The following KCTD1 variants were observed in gnomAD, a reference collection of about 807,000 sequenced individuals.
KCTD1 encodes the protein potassium channel tetramerization domain containing 1.
In KCTD1, 24 loss-of-function variants were observed where a neutral mutation model predicts 66.0. The observed-to-expected ratio is 0.36, with a 90% CI of 0.26 to 0.51. The LOEUF (loss-of-function observed/expected upper bound fraction) is 0.51. Among genes scored for constraint, KCTD1 ranks in the 20% least tolerant of loss-of-function variants. The pLI, the probability that KCTD1 is intolerant of heterozygous loss-of-function variation, is 0.95. For missense variants in KCTD1, 943 were observed against 1,205.2 expected (o/e 0.78, Z 3.22); for synonymous variants, 511 against 517.2 (o/e 0.99, Z 0.16).
intron 1 of KCTD1, chr18:26,566,978 G>C: frequency 6.6e-6 from 1 of 152,132 alleles, no homozygotes; most frequent in East Asian, 1.9e-4. Flanking sequence ...GCCACAAAAG[G>C]CTGTTCCCTG....
chr18:26,510,773 A>G (rs1983291861), intron 1 of KCTD1, among the ~76,000 whole-genome samples: 1 of 152,242 alleles, frequency 6.6e-6, no homozygotes, highest in African/African-American at 2.4e-5. Flanking sequence ...CACTTAAAAC[A>G]CTAGAGAATA....
At chr18:26,587,831 C>A (rs1486085978) in intron 1 of KCTD1, among the ~76,000 whole-genome samples, 3 of 152,150 alleles carry the variant, frequency 2.0e-5, no homozygotes, top group Non-Finnish European at 4.4e-5. Flanking sequence ...TTCCTGCAAG[C>A]TCATGAGAAA....
At chr18:26,612,095 T>C (rs1351017492) in intron 1 of KCTD1, among the ~76,000 whole-genome samples, 1 of 152,200 alleles carries the variant, frequency 6.6e-6, no homozygotes, top group Non-Finnish European at 1.5e-5. Flanking sequence ...TTCTGTTGAA[T>C]AATCTTTCCC....
chr18:26,525,927 C>T (rs771003175), intron 1 of KCTD1, among the ~76,000 whole-genome samples: 2 of 152,126 alleles, frequency 1.3e-5, no homozygotes, highest in Non-Finnish European at 2.9e-5. Context: ...CTGTCCATCT[C>T]ATTCCCCCTA....
intron 1 of KCTD1, among the ~76,000 whole-genome samples, chr18:26,656,301 TC>T (rs1243096445): frequency 6.6e-6 from 1 of 151,546 alleles, no homozygotes; most frequent in African/African-American, 2.4e-5. Context: ...CTCGCATCCT[TC>T]CCCCGTCCCA....
rs377664171 is a variant in KCTD1 at position 26,459,645 on chromosome 18, C to G, written c.2414G>C (p.Gly805Ala). The G allele has an allele frequency of 1.7e-5, 28 of 1,601,954 alleles. No homozygotes were observed. The highest frequency in any genetic ancestry group is 2.2e-5 in the Non-Finnish European group (26 of 1,171,992). Residue 805 changes from glycine to alanine, a missense_variant, in exon 4 of 5, where the codon GGC becomes GCC. Gly to Ala is a moderately conservative substitution (Grantham distance 60, BLOSUM62 0). This residue lies in a region of KCTD1 where 162 missense variants were observed against 232.4 expected (regional missense o/e 0.70). Transcript: ENST00000580059. ...CTGGACTGAGTTGAGGTGACAGTAG[C>G]CATTTAGTGGAAACCTGATGACGTG... Reference protein sequence around the residue: ...STHVIRFPLNGYCHLNSVQVL... With the variant: ...STHVIRFPLNAYCHLNSVQVL...
At chr18:26,585,216 C>G (rs1230207251) in intron 1 of KCTD1, among the ~76,000 whole-genome samples, 1 of 152,170 alleles carries the variant, frequency 6.6e-6, no homozygotes, top group Non-Finnish European at 1.5e-5. Flanking sequence ...ATTCCTTGTA[C>G]ATTTTGGCCA....
At chr18:26,586,688 T>C (rs550165005) in intron 1 of KCTD1, among the ~76,000 whole-genome samples, 1 of 152,162 alleles carries the variant, frequency 6.6e-6, no homozygotes, top group Non-Finnish European at 1.5e-5. Flanking sequence ...AACACACAAA[T>C]AACAAGAAAG....
intron 4 of KCTD1, chr18:26,456,129 C>A: frequency 2.1e-6 from 1 of 486,082 alleles, no homozygotes; most frequent in South Asian, 3.6e-5. Context: ...CACACACCAG[C>A]TACAACACTC....
upstream of KCTD1, chr18:26,549,969 G>C (rs182183718): frequency 4.4e-3 from 856 of 195,196 alleles, 2 homozygotes; most frequent in Non-Finnish European, 6.7e-3. Context: ...GAGCCGCCGG[G>C]GACCTCGGCT....
At position 26,553,827 on chromosome 18, in the gene KCTD1, T is replaced by TA. The variant is rs10548383; in HGVS notation, c.-15-52578dup. Among the ~76,000 whole-genome samples, 1,216 of 135,392 alleles carry TA rather than the reference T, an allele frequency of 9.0e-3. 5 individuals are homozygous for TA. Among genetic ancestry groups the TA allele is most frequent in the South Asian group, 0.011 (47 of 4,126 alleles). The allele number at this position is 135,392 out of a possible 152,430, so 88.8% of individuals were successfully genotyped here. On this transcript the variant is annotated intron_variant, in intron 1 of 4. Coordinates refer to the KCTD1 transcript ENST00000317932. ...ACAAGAAAACTAAGGCCAGAGAGGGTAAAAAAAAAAAAAAAAAAGGTGAAG... is the reference window on the plus strand; with the variant it reads ...ACAAGAAAACTAAGGCCAGAGAGGGTAAAAAAAAAAAAAAAAAAAGGTGAAG...
chr18:26,500,003 G>C (rs1354726500), intron 2 of KCTD1, among the ~76,000 whole-genome samples: 1 of 152,230 alleles, frequency 6.6e-6, no homozygotes, highest in African/African-American at 2.4e-5. Flanking sequence ...GTTGGGGCAA[G>C]GTGCAGTGGC....
chr18:26,604,599 G>A (rs1362973171), intron 1 of KCTD1, among the ~76,000 whole-genome samples: 1 of 152,176 alleles, frequency 6.6e-6, no homozygotes, highest in African/African-American at 2.4e-5. Flanking sequence ...AACATAAATG[G>A]AGCTGGAGGC....
intron 1 of KCTD1, among the ~76,000 whole-genome samples, chr18:26,588,515 T>G (rs1258400348): frequency 6.6e-6 from 1 of 152,202 alleles, no homozygotes; most frequent in Non-Finnish European, 1.5e-5. Flanking sequence ...AAGTATGGAA[T>G]AGTGACAATT....
chr18:26,529,361 C>T (rs979579453), intron 1 of KCTD1, among the ~76,000 whole-genome samples: 8 of 152,228 alleles, frequency 5.3e-5, no homozygotes, highest in Non-Finnish European at 1.0e-4. Context: ...TTGAACTCTT[C>T]AGCTTTCTCT....
chr18:26,506,600 T>C (rs1046765777), intron 1 of KCTD1, among the ~76,000 whole-genome samples: 1 of 152,208 alleles, frequency 6.6e-6, no homozygotes, highest in Non-Finnish European at 1.5e-5. Context: ...GAAGCTTGTA[T>C]GTTGATCTGT....
chr18:26,513,422 T>C (rs1186433926), intron 1 of KCTD1, among the ~76,000 whole-genome samples: 1 of 152,234 alleles, frequency 6.6e-6, no homozygotes, highest in Admixed American at 6.5e-5. Flanking sequence ...GACATACCTA[T>C]ATTTAGTAAT....
At chr18:26,642,491 T>C (rs1987851472), upstream of KCTD1, among the ~76,000 whole-genome samples, 1 of 152,222 alleles carries the variant, frequency 6.6e-6, no homozygotes, top group Non-Finnish European at 1.5e-5. Context: ...TTTTGATTTT[T>C]AGTTCTGCTT....
intron 1 of KCTD1, among the ~76,000 whole-genome samples, chr18:26,648,509 G>A (rs186576591): frequency 2.0e-5 from 3 of 152,310 alleles, no homozygotes; most frequent in East Asian, 3.9e-4. Flanking sequence ...TGGAGCAGAA[G>A]TATTTACACC....
Sources: allele counts gnomAD v4.1 joint callset (sites outside exome capture counted in the v4.1 genomes callset), GRCh38; gene constraint gnomAD v4.1.1; regional missense constraint gnomAD v4.1.1; transcripts MANE v1.5; gene names NCBI Gene and HGNC (gene_info 2026-07-23, HGNC 2026-07-21).